CLYBL: variants seen among roughly 807,000 people sequenced by gnomAD.
The protein encoded by CLYBL is citramalyl-CoA lyase, also known as citramalyl-CoA lyase, mitochondrial.
A neutral mutation model predicts 38.9 loss-of-function variants in CLYBL; 31 were observed. The observed-to-expected ratio is 0.80, with a 90% CI of 0.60 to 1.08. The LOEUF is 1.08. CLYBL is among the 50% of genes least tolerant of loss of function. CLYBL has a pLI of 0.00. For synonymous variants in CLYBL, 171 were observed against 158.6 expected, an observed-to-expected ratio of 1.08 and a Z score of -0.59; for missense variants, 434 against 411.6, an observed-to-expected ratio of 1.05 and a Z score of -0.47.
chr13:99,709,312 A>G (rs1566616282), intron 1 of CLYBL, among the ~76,000 whole-genome samples: 1 of 152,152 alleles, frequency 6.6e-6, no homozygotes. Flanking sequence ...TCCAGCCTCC[A>G]CAGCTGTGAG....
At chr13:99,709,538 A>C (rs1002771275) in intron 1 of CLYBL, among the ~76,000 whole-genome samples, 1 of 152,210 alleles carries the variant, frequency 6.6e-6, no homozygotes. Context: ...AATAGCATAC[A>C]AAAAAGTTCC....
chr13:99,702,941 T>C lies in CLYBL; in HGVS notation c.63-69883T>C, dbSNP rs557513074. On this transcript the variant is annotated intron_variant, in intron 1 of 8. Coordinates refer to ENST00000339105, the MANE Select transcript of CLYBL (RefSeq NM_206808.5). The stretch of plus-strand genomic sequence containing the variant: ...AAAGGGGCTGAGTGGGTGAGAGGAA[T>C]ACTTTCCACCATGAACTCTTTGGTA... Among the ~76,000 whole-genome samples, 3 of 152,318 alleles carry C rather than the reference T, an allele frequency of 2.0e-5. No homozygotes were observed. The East Asian group carries it at 5.8e-4, about 29-fold the overall frequency.
chr13:99,658,069 G>T (rs2047354351), intron 1 of CLYBL, among the ~76,000 whole-genome samples: 1 of 152,214 alleles, frequency 6.6e-6, no homozygotes. Flanking sequence ...GTCCCTCTCG[G>T]CTGCAGCAGT....
At chr13:99,632,374 A>C (rs1049887923) in intron 1 of CLYBL, among the ~76,000 whole-genome samples, 2 of 152,252 alleles carry the variant, frequency 1.3e-5, no homozygotes, top group African/African-American at 4.8e-5. Context: ...CTAGAACAAA[A>C]ATTAGTCTTC....
intron 1 of CLYBL, among the ~76,000 whole-genome samples, chr13:99,611,185 T>C (rs1306967781): frequency 6.6e-6 from 1 of 152,210 alleles, no homozygotes; most frequent in African/African-American, 2.4e-5. Flanking sequence ...ATTCATACAT[T>C]TTTCTTGAAT....
chr13:99,814,821 A>C (rs1231563278), intron 2 of CLYBL, among the ~76,000 whole-genome samples: 3 of 152,060 alleles, frequency 2.0e-5, no homozygotes, highest in African/African-American at 7.2e-5. Flanking sequence ...GCTTGAGTCC[A>C]AAAGTTTGAG....
intron 1 of CLYBL, among the ~76,000 whole-genome samples, chr13:99,667,502 A>G (rs1294878011): frequency 2.7e-5 from 4 of 147,798 alleles, no homozygotes; most frequent in African/African-American, 1.0e-4. Context: ...ACTTGCATCT[A>G]ACTCTGTGGC....
chr13:99,881,083 T>A (rs1168159588), intron 7 of CLYBL, among the ~76,000 whole-genome samples: 1 of 152,144 alleles, frequency 6.6e-6, no homozygotes, highest in Non-Finnish European at 1.5e-5. Context: ...CCAAACCCGA[T>A]ATTCCCACTG....
At position 99,892,451 on chromosome 13, in the gene CLYBL, G is replaced by A. The variant is rs559147493; in HGVS notation, c.*33G>A. The A allele has an allele frequency of 6.5e-5, 10 of 152,778 alleles. No homozygotes were observed. The highest frequency in any genetic ancestry group is 2.6e-4 in the Admixed American group (4 of 15,310). The allele number at this position is 152,778 out of a possible 1,614,324, so 9.5% of individuals were successfully genotyped here. A position where few individuals can be genotyped will look rare whatever the true frequency, so the allele number is the denominator to read the frequency against. On this transcript the variant is annotated 3_prime_UTR_variant, in exon 9 of 9. Transcript: ENST00000339105. ...GTACTCTTATATTGAAGGCTAAAGG[G>A]TATTGAAGCTGCAGAGGGATCAACT...
At chr13:99,732,173 T>G (rs1026864925) in intron 1 of CLYBL, among the ~76,000 whole-genome samples, 1 of 146,748 alleles carries the variant, frequency 6.8e-6, no homozygotes, top group Non-Finnish European at 1.5e-5. Flanking sequence ...ATGGCAGTTT[T>G]TTTTTTTTTT....
At chr13:99,748,597 A>C (rs1382441438) in intron 1 of CLYBL, among the ~76,000 whole-genome samples, 1 of 150,386 alleles carries the variant, frequency 6.6e-6, no homozygotes, top group African/African-American at 2.4e-5. Context: ...CTGCCACTAC[A>C]CCCAGCTAAC....
intron 1 of CLYBL, among the ~76,000 whole-genome samples, chr13:99,617,849 G>A (rs1011420310): frequency 2.0e-5 from 3 of 152,100 alleles, no homozygotes; most frequent in Non-Finnish European, 2.9e-5. Flanking sequence ...GGGCTGTGTC[G>A]TCAGCCTGAA....
At chr13:99,750,990 C>T (rs1052241960) in intron 1 of CLYBL, among the ~76,000 whole-genome samples, 15 of 152,238 alleles carry the variant, frequency 9.9e-5, no homozygotes, top group African/African-American at 3.4e-4. Flanking sequence ...ACCAGATGAT[C>T]CAGCAGTCCC....
intron 1 of CLYBL, among the ~76,000 whole-genome samples, chr13:99,758,017 A>G (rs1332958184): frequency 6.6e-6 from 1 of 152,252 alleles, no homozygotes; most frequent in Admixed American, 6.5e-5. Context: ...TAGCTCTCAC[A>G]TGACAGCAAT....
At chr13:99,851,232 T>A (rs1283510855) in intron 2 of CLYBL, among the ~76,000 whole-genome samples, 3 of 151,984 alleles carry the variant, frequency 2.0e-5, no homozygotes, top group African/African-American at 7.2e-5. Flanking sequence ...CTGGGTGTGG[T>A]GGTGGATGCC....
At chr13:99,716,067 T>C (rs9585201) in intron 1 of CLYBL, among the ~76,000 whole-genome samples, 3,118 of 151,872 alleles carry the variant, frequency 0.021, 123 homozygotes, top group African/African-American at 0.071. Flanking sequence ...TTTTTCTCCA[T>C]CTCTTGAGAT....
intron 1 of CLYBL, among the ~76,000 whole-genome samples, chr13:99,654,584 G>A (rs1156994404): frequency 2.0e-5 from 3 of 152,190 alleles, no homozygotes; most frequent in East Asian, 3.9e-4. Flanking sequence ...CATATTACTT[G>A]ATTGTTGTGT....
intron 1 of CLYBL, among the ~76,000 whole-genome samples, chr13:99,718,756 T>C (rs2139520072): frequency 6.6e-6 from 1 of 152,366 alleles, no homozygotes; most frequent in East Asian, 1.9e-4. Flanking sequence ...TAGATAATGA[T>C]CTTCTTTATC....
chr13:99,630,134 A>T (rs1247706072), intron 1 of CLYBL, among the ~76,000 whole-genome samples: 1 of 152,132 alleles, frequency 6.6e-6, no homozygotes, highest in African/African-American at 2.4e-5. Context: ...CATCTAGCAG[A>T]AGCACATTCG....
Sources: gnomAD v4.1 joint callset for allele counts (sites outside exome capture counted in the v4.1 genomes callset) on GRCh38, gnomAD v4.1.1 for gene constraint, MANE v1.5 for transcripts, NCBI Gene and HGNC (gene_info 2026-07-23, HGNC 2026-07-21) for gene names.